Variants in DDX19B observed in about 807,000 individuals in gnomAD.
The protein encoded by DDX19B is DEAD-box helicase 19B.
Under a neutral mutation model 58.1 loss-of-function variants are expected in DDX19B, and 27 were observed. The observed-to-expected ratio is 0.46, with a 90% CI of 0.34 to 0.64. DDX19B has a LOEUF of 0.64. Among genes scored for constraint, DDX19B ranks in the 30% least tolerant of loss-of-function variants. The pLI is 0.01. For missense variants in DDX19B, 399 were observed against 596.5 expected, an observed-to-expected ratio of 0.67 and a Z score of 3.45; for synonymous variants, 187 against 214.4, an observed-to-expected ratio of 0.87 and a Z score of 1.12.
Position 70,333,558 on chromosome 16 carries a change from C to T in DDX19B, c.1416C>T (p.Asp472=), listed in dbSNP as rs74026003. The T allele has an allele frequency of 1.4e-3, 2,316 of 1,613,930 alleles. 31 individuals are homozygous for T. The African/African-American group carries it at 0.026, about 18-fold the overall frequency. ...KIERLDTDDL[D]EIEKIAN ...AAAGATTGGACACAGATGATTTGGA[C>T]GAGATTGAGAAAATAGCCAACTGAG... is the stretch of plus-strand genomic sequence containing the variant. The change falls in exon 12 of 12, where the codon GAC becomes GAT. Residue 472 remains aspartate, a synonymous_variant. Coordinates refer to ENST00000288071, the MANE Select transcript of DDX19B (RefSeq NM_007242.7).
At chr16:70,320,609 G>A (rs571355278) in intron 5 of DDX19B, among the ~76,000 whole-genome samples, 207 of 151,088 alleles carry the variant, frequency 1.4e-3, no homozygotes, top group African/African-American at 4.8e-3. Context: ...GTGCAGTGGC[G>A]TGATCTTGGC....
chr16:70,318,097 G>T (rs2152201811), intron 5 of DDX19B, among the ~76,000 whole-genome samples: 1 of 149,222 alleles, frequency 6.7e-6, no homozygotes, highest in East Asian at 2.0e-4. Flanking sequence ...AGGGGGCCAG[G>T]TGCAGTGGCT....
chr16:70,291,209 A>G (rs1443608568), upstream of DDX19B, among the ~76,000 whole-genome samples: 1 of 152,164 alleles, frequency 6.6e-6, no homozygotes, highest in Non-Finnish European at 1.5e-5. Context: ...TACTACTACT[A>G]TCTGCTTTTA....
At chr16:70,292,945 A>C (rs1961097357), upstream of DDX19B, among the ~76,000 whole-genome samples, 1 of 151,990 alleles carries the variant, frequency 6.6e-6, no homozygotes, top group African/African-American at 2.4e-5. Flanking sequence ...ATCTCTACTA[A>C]AAATACTAAA....
intron 1 of DDX19B, among the ~76,000 whole-genome samples, chr16:70,299,760 C>T (rs1961385453): frequency 1.3e-5 from 2 of 152,120 alleles, no homozygotes; most frequent in South Asian, 4.1e-4. Flanking sequence ...AGCCATTGTT[C>T]CTGGCCGCCC....
At chr16:70,309,009 A>T (rs1200820169) in intron 1 of DDX19B, among the ~76,000 whole-genome samples, 1 of 151,690 alleles carries the variant, frequency 6.6e-6, no homozygotes, top group African/African-American at 2.4e-5. Flanking sequence ...CTTCAGAATT[A>T]GTGAAGGATT....
At chr16:70,316,951 A>T (rs1429086074) in intron 4 of DDX19B, among the ~76,000 whole-genome samples, 1 of 152,110 alleles carries the variant, frequency 6.6e-6, no homozygotes, top group South Asian at 2.1e-4. Flanking sequence ...TCACGCCTGT[A>T]ATCCCAGGAC....
At chr16:70,297,685 T>C (rs1961279401), upstream of DDX19B, among the ~76,000 whole-genome samples, 1 of 152,168 alleles carries the variant, frequency 6.6e-6, no homozygotes, top group Admixed American at 6.6e-5. Flanking sequence ...TTAATCCTTA[T>C]TTTACAACTA....
At position 70,332,969 on chromosome 16, in the gene DDX19B, C is replaced by G. The variant is rs754600232; in HGVS notation, c.1188C>G (p.Gly396=). The stretch of plus-strand genomic sequence containing the variant: ...AGCCTCCAACTCTCCTTCCTGCAGG[C>G]ATTGATGTTGAACAAGTGTCTGTCG... The part of the protein sequence containing the change: ...VLVTTNVCAR[G]IDVEQVSVVI... The change falls in exon 11 of 12, where the codon GGC becomes GGG. Residue 396 remains glycine (G), a splice_region_variant and synonymous_variant. Coordinates refer to ENST00000288071, the MANE Select transcript of DDX19B (RefSeq NM_007242.7). The G allele has an allele frequency of 6.2e-7, 1 of 1,613,800 alleles. No individual in the cohort carries two copies. Among genetic ancestry groups the G allele is most frequent in the Non-Finnish European group, 8.5e-7 (1 of 1,179,912 alleles).
In DDX19B at chr16:70,331,792, G is replaced by C. The variant is rs1298979511; in HGVS notation, c.1094G>C (p.Gly365Ala). Residue 365 changes from glycine to alanine, a missense_variant, in exon 10 of 12, where the codon GGG (glycine) becomes GCG (alanine). By Grantham distance (60) the Gly-to-Ala change is moderately conservative. This residue lies in a region of DDX19B where 198 missense variants were observed against 345.9 expected (regional missense o/e 0.57). Transcript: ENST00000288071. ...GGCCACCAGGTGGCTCTGCTGAGTG[G>C]GGAGATGATGGTGGAACAGAGGGCT... ...KEGHQVALLS[G>A]EMMVEQRAAV... 2 of 1,614,098 alleles carry C rather than the reference G, an allele frequency of 1.2e-6. No individual in the cohort carries two copies. Among genetic ancestry groups the C allele is most frequent in the Admixed American group, 3.3e-5 (2 of 59,984 alleles).
At chr16:70,308,026 C>T (rs938433579) in intron 1 of DDX19B, among the ~76,000 whole-genome samples, 1 of 152,036 alleles carries the variant, frequency 6.6e-6, no homozygotes. Context: ...CATGTCGGCT[C>T]ACTGCAACCT....
intron 9 of DDX19B, 81 bp from the exon 10 acceptor site, chr16:70,331,641 C>A: frequency 6.6e-7 from 1 of 1,512,744 alleles, no homozygotes; most frequent in Non-Finnish European, 8.8e-7. Flanking sequence ...GTATTTTAAT[C>A]GTGGCAAGCC....
intron 5 of DDX19B, among the ~76,000 whole-genome samples, chr16:70,324,310 C>T (rs1294701486): frequency 2.1e-5 from 3 of 141,558 alleles, no homozygotes; most frequent in Non-Finnish European, 3.0e-5. Flanking sequence ...CTGCAGTGAG[C>T]CAAGATTGTG....
chr16:70,332,030 T>G, intron 10 of DDX19B, 146 bp downstream of exon 10: 1 of 1,292,380 alleles, frequency 7.7e-7, no homozygotes, highest in Non-Finnish European at 1.0e-6. Flanking sequence ...GGAGAGACTG[T>G]TTGGATTTCC....
upstream of DDX19B, chr16:70,294,640 C>G: frequency 2.3e-6 from 1 of 431,152 alleles, no homozygotes; most frequent in Non-Finnish European, 4.1e-6. Context: ...CACCAGGAAG[C>G]CAGACATTTA....
intron 5 of DDX19B, among the ~76,000 whole-genome samples, chr16:70,324,268 CAA>C (rs1963015182): frequency 1.4e-5 from 2 of 145,234 alleles, no homozygotes; most frequent in Non-Finnish European, 3.0e-5. Context: ...GAGGCTGAGG[CAA>C]GAGGATCACT....
At chr16:70,292,975 G>A (rs971529349), upstream of DDX19B, among the ~76,000 whole-genome samples, 5 of 151,802 alleles carry the variant, frequency 3.3e-5, no homozygotes, top group Admixed American at 6.6e-5. Flanking sequence ...GTGTGGTGGC[G>A]GCCACCTGTA....
rs1961462244 is a variant in DDX19B at position 70,301,037 on chromosome 16, G to A, written c.57+1683G>A. Among the ~76,000 whole-genome samples the A allele has an allele frequency of 2.0e-5, 3 of 152,040 alleles. No individual in the cohort carries two copies. The South Asian group carries it at 6.2e-4, about 31-fold the overall frequency. On this transcript the variant is annotated intron_variant, in intron 1 of 11. Transcript: ENST00000288071. ...GCTTCAAATTGGACTAGTTACTCCT[G>A]TCTTTAGAGCACAGTTCATATTGGG...
At chr16:70,320,356 C>A (rs1962701201) in intron 5 of DDX19B, among the ~76,000 whole-genome samples, 1 of 151,196 alleles carries the variant, frequency 6.6e-6, no homozygotes, top group South Asian at 2.1e-4. Context: ...AATCCTCCCA[C>A]CTTGGCCTCC....
Sources: gnomAD v4.1 joint callset for allele counts (sites outside exome capture counted in the v4.1 genomes callset) on GRCh38, gnomAD v4.1.1 for gene constraint, gnomAD v4.1.1 regional missense constraint, MANE v1.5 for transcripts, NCBI Gene and HGNC (gene_info 2026-07-23, HGNC 2026-07-21) for gene names.